The following ARHGAP32 variants were observed in gnomAD, a reference collection of about 807,000 sequenced individuals.
The protein encoded by ARHGAP32 is rho GTPase-activating protein 32.
Under a neutral mutation model 186.5 loss-of-function variants are expected in ARHGAP32, and 51 were observed. The observed-to-expected ratio is 0.27, with a 90% confidence interval of 0.22 to 0.35. The LOEUF (loss-of-function observed/expected upper bound fraction) is 0.35, where lower values mean the gene tolerates loss of function less well. Among genes scored for constraint, ARHGAP32 ranks in the 10% least tolerant of loss-of-function variants. The pLI is 1.00. For synonymous variants in ARHGAP32, 950 were observed against 964.3 expected (o/e 0.99, Z 0.27); for missense variants, 2,186 against 2,623.5 (o/e 0.83, Z 3.64).
intron 11 of ARHGAP32, among the ~76,000 whole-genome samples, chr11:129,003,532 G>A (rs1299352248): frequency 6.6e-6 from 1 of 152,124 alleles, no homozygotes; most frequent in African/African-American, 2.4e-5. Context: ...TTTGCTGGGA[G>A]ACTTTTTATT....
intron 6 of ARHGAP32, among the ~76,000 whole-genome samples, chr11:129,070,972 T>C (rs534039126): frequency 1.3e-4 from 20 of 152,072 alleles, no homozygotes; most frequent in Non-Finnish European, 2.2e-4. Context: ...CTACTGAGTA[T>C]ATTGTATATT....
intron 6 of ARHGAP32, among the ~76,000 whole-genome samples, chr11:129,079,436 C>T (rs770645733): frequency 1.4e-4 from 21 of 152,258 alleles, no homozygotes; most frequent in Middle Eastern, 3.4e-3. Flanking sequence ...GGACTGGAAG[C>T]CTCTCTTTAG....
chr11:128,984,949 C>T (rs1431640206), intron 15 of ARHGAP32, among the ~76,000 whole-genome samples: 1 of 152,282 alleles, frequency 6.6e-6, no homozygotes, highest in Admixed American at 6.5e-5. Flanking sequence ...TAGTCTCCAA[C>T]TTACAATGGT....
chr11:128,988,964 T>C (rs1177962216), intron 12 of ARHGAP32, among the ~76,000 whole-genome samples: 1 of 152,222 alleles, frequency 6.6e-6, no homozygotes, highest in African/African-American at 2.4e-5. Flanking sequence ...AGTATGATCA[T>C]TTGATAGGGT....
At chr11:129,057,497 A>G (rs142443019) in intron 10 of ARHGAP32, among the ~76,000 whole-genome samples, 176 of 152,038 alleles carry the variant, frequency 1.2e-3, no homozygotes, top group African/African-American at 4.1e-3. Flanking sequence ...CTCTCCCCCA[A>G]AATTCATAAT....
chr11:129,069,063 A>G (rs1271479200), intron 6 of ARHGAP32, among the ~76,000 whole-genome samples: 2 of 152,088 alleles, frequency 1.3e-5, no homozygotes, highest in African/African-American at 2.4e-5. Flanking sequence ...TTTATCCATT[A>G]TATCTTCTGA....
upstream of ARHGAP32, among the ~76,000 whole-genome samples, chr11:129,194,665 G>A (rs1245028195): frequency 1.3e-5 from 2 of 151,656 alleles, no homozygotes; most frequent in Admixed American, 6.6e-5. Flanking sequence ...AGAAAGACAC[G>A]CTTGAACCCG....
At chr11:129,172,202 T>C (rs1038589508) in intron 1 of ARHGAP32, among the ~76,000 whole-genome samples, 1 of 152,196 alleles carries the variant, frequency 6.6e-6, no homozygotes, top group African/African-American at 2.4e-5. Flanking sequence ...CTTCCAATAC[T>C]ATGTTGAATA....
chr11:129,213,906 A>T (rs1425208610), intron 1 of ARHGAP32, among the ~76,000 whole-genome samples: 2 of 152,090 alleles, frequency 1.3e-5, no homozygotes, highest in Admixed American at 1.3e-4. Context: ...ATTTTTAATA[A>T]AAATTATAAA....
At position 128,971,254 on chromosome 11, in the gene ARHGAP32, G is replaced by C. The variant is rs1400554084; in HGVS notation, c.4054-95C>G. On this transcript the variant is annotated intron_variant, in intron 22 of 22. Coordinates refer to ENST00000682385, the MANE Select transcript of ARHGAP32 (RefSeq NM_001378024.1). ...TAACTCACAAATTAAGGCTGGTTGG[G>C]TAGCAGCTTGAACTTTCCCAAGCCA... 4 of 1,126,194 alleles carry C rather than the reference G, an allele frequency of 3.6e-6. No individual in the cohort carries two copies. In the Admixed American group the frequency reaches 1.0e-4, roughly 29 times the overall value. 69.8% of individuals were successfully genotyped at this position (1,126,194 alleles called of 1,614,324 possible).
intron 13 of ARHGAP32, among the ~76,000 whole-genome samples, chr11:128,987,400 T>C (rs1945905435): frequency 6.6e-6 from 1 of 152,196 alleles, no homozygotes; most frequent in African/African-American, 2.4e-5. Context: ...TTTTCAAGCA[T>C]GTATTTCCCA....
intron 1 of ARHGAP32, among the ~76,000 whole-genome samples, chr11:129,236,953 CAT>C (rs1414192299): frequency 6.6e-6 from 1 of 152,158 alleles, no homozygotes; most frequent in Non-Finnish European, 1.5e-5. Flanking sequence ...GGGTTTTCAT[CAT>C]AAAGGGATGC....
chr11:129,118,788 C>T (rs1338982966), intron 5 of ARHGAP32, among the ~76,000 whole-genome samples: 1 of 151,920 alleles, frequency 6.6e-6, no homozygotes, highest in Non-Finnish European at 1.5e-5. Flanking sequence ...CAGAAATTCC[C>T]CAGACTTAGG....
At chr11:129,176,630 T>C (rs1245782565) in intron 1 of ARHGAP32, among the ~76,000 whole-genome samples, 1 of 141,858 alleles carries the variant, frequency 7.0e-6, no homozygotes, top group Non-Finnish European at 1.6e-5. Context: ...GGATTAAGAA[T>C]CTCACTCAAA....
intron 1 of ARHGAP32, among the ~76,000 whole-genome samples, chr11:129,186,231 T>A (rs1249798319): frequency 1.3e-5 from 2 of 152,156 alleles, no homozygotes; most frequent in Non-Finnish European, 2.9e-5. Flanking sequence ...CAGGTCTATA[T>A]CGTTTGTGTA....
At chr11:128,995,186 T>A (rs1946164550) in intron 12 of ARHGAP32, among the ~76,000 whole-genome samples, 2 of 151,782 alleles carry the variant, frequency 1.3e-5, no homozygotes, top group Admixed American at 1.3e-4. Flanking sequence ...TTTTTCAGGT[T>A]CCTACACTGT....
At chr11:128,996,675 T>C (rs1221821424) in intron 12 of ARHGAP32, among the ~76,000 whole-genome samples, 1 of 152,230 alleles carries the variant, frequency 6.6e-6, no homozygotes. Flanking sequence ...TCTAAAACCA[T>C]ACTTTTTTCT....
chr11:129,166,556 G>A (rs1385228014), intron 1 of ARHGAP32, among the ~76,000 whole-genome samples: 1 of 151,534 alleles, frequency 6.6e-6, no homozygotes, highest in African/African-American at 2.4e-5. Context: ...ATTACAATGG[G>A]AGAAGACATT....
intron 1 of ARHGAP32, chr11:129,202,822 G>A (rs905795990): frequency 6.6e-6 from 1 of 152,012 alleles, no homozygotes; most frequent in African/African-American, 2.4e-5. Flanking sequence ...TCTCAAAAAG[G>A]TCACAAAAGC....
Sources: allele counts gnomAD v4.1 joint callset (sites outside exome capture counted in the v4.1 genomes callset), GRCh38; gene constraint gnomAD v4.1.1; transcripts MANE v1.5; gene names NCBI Gene and HGNC (gene_info 2026-07-23, HGNC 2026-07-21).